SLIT3: variants seen among roughly 807,000 people sequenced by gnomAD.
SLIT3 encodes the protein slit guidance ligand 3.
A neutral mutation model predicts 184.0 loss-of-function variants in SLIT3; 68 were observed. The observed-to-expected ratio is 0.37, with a 90% CI of 0.30 to 0.45. The LOEUF is 0.45. SLIT3 is among the 20% of genes least tolerant of loss of function. SLIT3 has a pLI of 1.00. For missense variants in SLIT3, 1,707 were observed against 2,026.0 expected (o/e 0.84, Z 3.02); for synonymous variants, 831 against 828.6 (o/e 1.00, Z -0.05).
intron 4 of SLIT3, among the ~76,000 whole-genome samples, chr5:169,059,185 C>T (rs1758101183): frequency 6.6e-6 from 1 of 152,184 alleles, no homozygotes; most frequent in South Asian, 2.1e-4. Flanking sequence ...AAACAGAAGC[C>T]TGCAATTTCT....
chr5:169,259,546 C>G (rs538528750), intron 1 of SLIT3, among the ~76,000 whole-genome samples: 2 of 152,308 alleles, frequency 1.3e-5, no homozygotes, highest in African/African-American at 4.8e-5. Flanking sequence ...ACTACCTGTC[C>G]CCTGTACACT....
At chr5:168,723,954 G>C (rs1396763986) in intron 21 of SLIT3, among the ~76,000 whole-genome samples, 1 of 152,170 alleles carries the variant, frequency 6.6e-6, no homozygotes, top group African/African-American at 2.4e-5. Flanking sequence ...TGCTCCCTCA[G>C]TGACATTTGG....
intron 4 of SLIT3, among the ~76,000 whole-genome samples, chr5:169,052,125 C>G (rs1757837002): frequency 6.6e-6 from 1 of 151,184 alleles, no homozygotes. Flanking sequence ...CCCTTTAAAA[C>G]TTGAAAGGGA....
intron 4 of SLIT3, among the ~76,000 whole-genome samples, chr5:168,925,692 G>A (rs1431066086): frequency 6.6e-6 from 1 of 151,728 alleles, no homozygotes; most frequent in Non-Finnish European, 1.5e-5. Flanking sequence ...AGGGGGAGGT[G>A]TTGTTTCCTT....
intron 30 of SLIT3, among the ~76,000 whole-genome samples, 167 bp from the exon 31 acceptor site, chr5:168,686,094 T>TC (rs753100582): frequency 6.6e-6 from 1 of 152,172 alleles, no homozygotes; most frequent in Non-Finnish European, 1.5e-5. Flanking sequence ...CAAGACCTTT[T>TC]CCTTCTCTAA....
intron 1 of SLIT3, among the ~76,000 whole-genome samples, chr5:169,260,548 C>A (rs984102183): frequency 1.3e-5 from 2 of 152,174 alleles, no homozygotes; most frequent in African/African-American, 4.8e-5. Flanking sequence ...GGACACTTTT[C>A]TTCCTATTTC....
At chr5:168,684,612 G>A (rs1027264737) in intron 31 of SLIT3, among the ~76,000 whole-genome samples, 1 of 151,958 alleles carries the variant, frequency 6.6e-6, no homozygotes, top group Non-Finnish European at 1.5e-5. Flanking sequence ...TGGGACTACG[G>A]GTGCTTACCA....
intron 4 of SLIT3, among the ~76,000 whole-genome samples, chr5:168,942,576 CCT>C (rs1357393544): frequency 1.3e-5 from 2 of 152,148 alleles, no homozygotes; most frequent in Admixed American, 1.3e-4. Context: ...TACACAGAAA[CCT>C]CTCTGTTTTA....
intron 4 of SLIT3, among the ~76,000 whole-genome samples, chr5:169,048,396 C>T (rs761933233): frequency 2.6e-5 from 4 of 152,162 alleles, no homozygotes; most frequent in Non-Finnish European, 5.9e-5. Flanking sequence ...TTCTTATTAC[C>T]ATTTTTATGA....
At chr5:168,709,554 A>G (rs1762483498) in intron 25 of SLIT3, among the ~76,000 whole-genome samples, 1 of 152,246 alleles carries the variant, frequency 6.6e-6, no homozygotes, top group Non-Finnish European at 1.5e-5. Flanking sequence ...TTCTTGGCCT[A>G]GGTGAGCCTC....
intron 12 of SLIT3, among the ~76,000 whole-genome samples, chr5:168,775,151 G>C (rs1055088426): frequency 2.6e-5 from 4 of 151,672 alleles, no homozygotes; most frequent in African/African-American, 9.7e-5. Flanking sequence ...AATTCTCCTG[G>C]CTCAGGCTCC....
At chr5:168,972,339 G>GTGTGTGTGTGTGTGTGTGTA (rs1561582454) in intron 4 of SLIT3, among the ~76,000 whole-genome samples, 1 of 146,650 alleles carries the variant, frequency 6.8e-6, no homozygotes, top group Non-Finnish European at 1.5e-5. Flanking sequence ...AGGACAACAT[G>GTGTGTGTGTGTGTGTGTGTA]TGTGTGTGTG....
intron 20 of SLIT3, among the ~76,000 whole-genome samples, chr5:168,734,943 C>A (rs1301250558): frequency 1.3e-5 from 2 of 152,194 alleles, no homozygotes; most frequent in East Asian, 3.9e-4. Flanking sequence ...GGCAGCACAG[C>A]TCAGAAGACT....
intron 4 of SLIT3, among the ~76,000 whole-genome samples, chr5:169,140,947 C>T (rs1761712736): frequency 6.6e-6 from 1 of 152,164 alleles, no homozygotes; most frequent in Non-Finnish European, 1.5e-5. Context: ...CCCTTGAATC[C>T]AATCTCCATC....
chr5:169,159,826 AT>A (rs1762423635), intron 4 of SLIT3, among the ~76,000 whole-genome samples: 1 of 152,208 alleles, frequency 6.6e-6, no homozygotes, highest in African/African-American at 2.4e-5. Flanking sequence ...CTAACGTGAT[AT>A]AAGCAAAAGT....
chr5:169,300,847 T>A lies in SLIT3; in HGVS notation c.-138A>T. On this transcript the variant is annotated 5_prime_UTR_variant, in exon 1 of 36. The change abolishes the stop of an existing upstream ORF in the 5' untranslated region. Coordinates refer to ENST00000519560, the MANE Select transcript of SLIT3 (RefSeq NM_003062.4). The surrounding 1 kb of genome is among the most constrained non-coding windows in gnomAD (Gnocchi z 4.1). ...CGCGGAGGAGGGGCGAGCTCGGTGC[T>A]CAGGCGCACGGGGCGCGGGCGGAGC... 1 of 865,466 alleles carries A rather than the reference T, an allele frequency of 1.2e-6. No homozygotes were observed. The highest frequency in any genetic ancestry group is 1.5e-6 in the Non-Finnish European group (1 of 665,888). The allele number at this position is 865,466 out of a possible 1,614,324, so 53.6% of individuals were successfully genotyped here.
At chr5:169,140,575 C>CAG (rs1167533626) in intron 4 of SLIT3, among the ~76,000 whole-genome samples, 2 of 150,204 alleles carry the variant, frequency 1.3e-5, no homozygotes, top group Non-Finnish European at 3.0e-5. Flanking sequence ...GAGCCTGAGG[C>CAG]AGAGGATCAC....
At chr5:168,722,854 C>T (rs1042082791) in intron 22 of SLIT3, 79 bp downstream of exon 22, 38 of 1,106,476 alleles carry the variant, frequency 3.4e-5, no homozygotes, top group Non-Finnish European at 5.3e-5. Context: ...GAAACTAGTC[C>T]TGCTGGGAGG....
At chr5:169,126,721 T>G (rs1357321713) in intron 4 of SLIT3, among the ~76,000 whole-genome samples, 4 of 152,200 alleles carry the variant, frequency 2.6e-5, no homozygotes, top group Non-Finnish European at 5.9e-5. Context: ...TGCCAAATTG[T>G]CTGGATCTTT....
Sources: gnomAD v4.1 joint callset for allele counts (sites outside exome capture counted in the v4.1 genomes callset) on GRCh38, gnomAD v4.1.1 for gene constraint, Gnocchi (gnomAD v3.1) non-coding constraint, MANE v1.5 for transcripts, NCBI Gene and HGNC (gene_info 2026-07-23, HGNC 2026-07-21) for gene names.